The following PRSS2 variants were observed in gnomAD, a reference collection of about 807,000 sequenced individuals.
PRSS2 encodes the protein trypsin-2.
In PRSS2, 19 loss-of-function variants were observed where a neutral mutation model predicts 19.2. The observed-to-expected ratio is 0.99, with a 90% CI of 0.69 to 1.45. PRSS2 has a LOEUF of 1.45. Ranked by LOEUF, PRSS2 falls within the 40% of genes most tolerant of loss-of-function variation. The pLI is 0.00. For synonymous variants in PRSS2, 107 were observed against 117.5 expected (o/e 0.91, Z 0.58); for missense variants, 288 against 294.4 (o/e 0.98, Z 0.16).
chr7:142,774,473 G>T lies in PRSS2; in HGVS notation c.709G>T (p.Asp237Tyr). ...CTACACCAAGGTCTACAACTATGTG[G>T]ACTGGATTAAGGACACCATAGCTGC... ...GVYTKVYNYVDWIKDTIAANS is the reference protein window; with the variant it reads ...GVYTKVYNYVYWIKDTIAANS The change falls in exon 5 of 5, where the codon GAC becomes TAC. Residue 237 changes from aspartate (D) to tyrosine (Y), a missense_variant. Physicochemically the swap from Asp to Tyr is radical, Grantham distance 160. Transcript: ENST00000539842. 3 of 1,610,882 alleles carry T rather than the reference G, an allele frequency of 1.9e-6. No individual in the cohort carries two copies. Among genetic ancestry groups the T allele is most frequent in the Non-Finnish European group, 2.5e-6 (3 of 1,177,016 alleles).
Position 142,773,468 on chromosome 7 carries a change from G to A in PRSS2, c.403G>A (p.Ala135Thr), listed in dbSNP as rs1416648603. The A allele has an allele frequency of 4.4e-6, 7 of 1,599,438 alleles. No individual in the cohort carries two copies. Among genetic ancestry groups the A allele is most frequent in the Admixed American group, 1.7e-5 (1 of 59,992 alleles). The change falls in exon 3 of 5, where the codon GCT becomes ACT. Residue 135 changes from alanine to threonine, a missense_variant. Coordinates refer to ENST00000539842, the MANE Select transcript of PRSS2 (RefSeq NM_002770.4). ...CTCTCTGCCCACTGCCCCTCCAGCTGCTGGCACCGAGTCCCTCATCTCCGG... is the reference window on the plus strand; with the variant it reads ...CTCTCTGCCCACTGCCCCTCCAGCTACTGGCACCGAGTCCCTCATCTCCGG... The part of the protein sequence containing the change: ...AISLPTAPPA[A>T]GTESLISGWG...
chr7:142,774,158 C>T, intron 4 of PRSS2, 103 bp downstream of exon 4: 8 of 1,368,610 alleles, frequency 5.8e-6, no homozygotes, highest in South Asian at 1.2e-5. Context: ...AGGCTCCCTG[C>T]AGTGCCCCAT....
chr7:142,773,917 A>C lies in PRSS2; in HGVS notation c.455-2A>C, dbSNP rs1800205294. ...TCTTTGTTCTCTTCCTGATCCTCAC[A>C]GCCGACTACCCAGACGAGCTGCAGT... On this transcript the variant is annotated splice_acceptor_variant, in intron 3 of 4. Coordinates refer to ENST00000539842, the MANE Select transcript of PRSS2 (RefSeq NM_002770.4). LOFTEE classifies it high-confidence loss of function. The C allele has an allele frequency of 2.5e-6, 4 of 1,612,440 alleles. No individual in the cohort carries two copies. In the South Asian group the frequency reaches 4.4e-5, roughly 18 times the overall value.
chr7:142,771,426 T>G (rs1799877460), intron 1 of PRSS2, among the ~76,000 whole-genome samples: 1 of 152,256 alleles, frequency 6.6e-6, no homozygotes, highest in Admixed American at 6.5e-5. Context: ...CTCACTTCAA[T>G]TGTCTGGTGT....
rs904325166 is a variant in PRSS2 at position 142,773,307 on chromosome 7, T to G, written c.242T>G (p.Leu81Arg). 2.2e-5 allele frequency: 36 copies of G among 1,614,222 alleles called. No individual in the cohort carries two copies. In the African/African-American group the frequency reaches 4.0e-4, roughly 18 times the overall value. ...CTGGGAGAGCACAACATCGAAGTCCTGGAGGGGAATGAACAGTTCATCAAT... is the reference window on the plus strand; with the variant it reads ...CTGGGAGAGCACAACATCGAAGTCCGGGAGGGGAATGAACAGTTCATCAAT... The part of the protein sequence containing the change: ...VRLGEHNIEV[L>R]EGNEQFINAA... Residue 81 changes from leucine (L) to arginine (R), a missense_variant, in exon 3 of 5, where the codon CTG (leucine) becomes CGG (arginine). Transcript: ENST00000539842.
At chr7:142,772,248 C>T (rs756253473) in intron 2 of PRSS2, 40 bp downstream of exon 2, 2 of 1,608,854 alleles carry the variant, frequency 1.2e-6, no homozygotes, top group East Asian at 2.2e-5. Flanking sequence ...CCCAGCCAGG[C>T]TGCCTGGGAG....
rs1006136109 is a variant in PRSS2 at position 142,772,401 on chromosome 7, C to T, written c.200+193C>T. 1.6e-5 allele frequency: 14 copies of T among 895,418 alleles called. No homozygotes were observed. The Admixed American group carries it at 2.6e-4, about 17-fold the overall frequency. 55.5% of individuals were successfully genotyped at this position (895,418 alleles called of 1,614,324 possible). A position where few individuals can be genotyped will look rare whatever the true frequency, so the allele number is the denominator to read the frequency against. On this transcript the variant is annotated intron_variant, in intron 2 of 4. Transcript: ENST00000539842. ...GGAAGCCCTCACACCCAGGCAAATCCATGAAACAGCAAGGGTTGTGGTCAT... is the reference window on the plus strand; with the variant it reads ...GGAAGCCCTCACACCCAGGCAAATCTATGAAACAGCAAGGGTTGTGGTCAT...
chr7:142,771,794 T>C (rs966214325), intron 1 of PRSS2, among the ~76,000 whole-genome samples: 163 of 25,084 alleles, frequency 6.5e-3, no homozygotes, highest in African/African-American at 0.044. Flanking sequence ...ATTGTGAGGA[T>C]ATTCCTTGCG....
chr7:142,772,858 G>C (rs941703655), intron 2 of PRSS2, among the ~76,000 whole-genome samples: 5 of 152,224 alleles, frequency 3.3e-5, no homozygotes, highest in Non-Finnish European at 5.9e-5. Context: ...ACACAGAAGG[G>C]TGGTGCTCAC....
At chr7:142,773,801 T>A in intron 3 of PRSS2, 118 bp from the exon 4 acceptor site, 1 of 677,444 alleles carries the variant, frequency 1.5e-6, no homozygotes, top group South Asian at 1.7e-5. Context: ...TGCCAGGACT[T>A]ATGTTTTGGA....
At chr7:142,772,545 C>T (rs1324571127) in intron 2 of PRSS2, 2 of 682,056 alleles carry the variant, frequency 2.9e-6, no homozygotes, top group African/African-American at 3.6e-5. Context: ...AATACTGATC[C>T]CTGTGTTCTA....
chr7:142,773,870 T>C (rs1800197858), intron 3 of PRSS2, 49 bp from the exon 4 acceptor site: 1 of 1,573,102 alleles, frequency 6.4e-7, no homozygotes, highest in Admixed American at 1.7e-5. Flanking sequence ...TGTCTCTTTC[T>C]CTGGCCTAAC....
At chr7:142,772,389 C>T in intron 2 of PRSS2, 181 bp downstream of exon 2, 1 of 965,476 alleles carries the variant, frequency 1.0e-6, no homozygotes, top group Non-Finnish European at 1.6e-6. Flanking sequence ...AGCCCTCACA[C>T]CCAGGCAAAT....
At position 142,773,453 on chromosome 7, in the gene PRSS2, A is replaced by G; in HGVS notation, c.388A>G (p.Thr130Ala). Residue 130 changes from threonine to alanine, a missense_variant, in exon 3 of 5, where the codon ACT becomes GCT. By Grantham distance (58) the Thr-to-Ala change is moderately conservative (BLOSUM62 0). Coordinates refer to ENST00000539842, the MANE Select transcript of PRSS2 (RefSeq NM_002770.4). ...CCGCGTGTCCGCCATCTCTCTGCCC[A>G]CTGCCCCTCCAGCTGCTGGCACCGA... The part of the protein sequence containing the change: ...NSRVSAISLP[T>A]APPAAGTESL... 1.9e-6 allele frequency: 3 copies of G among 1,601,158 alleles called. No individual in the cohort carries two copies. Among genetic ancestry groups the G allele is most frequent in the South Asian group, 2.2e-5 (2 of 90,508 alleles).
Position 142,774,407 on chromosome 7 carries a change from T to A in PRSS2, c.643T>A (p.Ser215Thr). Reference protein sequence around the residue: ...VSNGELQGIVSWGYGCAQKNR... With the variant: ...VSNGELQGIVTWGYGCAQKNR... ...CAATGGAGAGCTCCAAGGAATTGTC[T>A]CCTGGGGCTATGGCTGTGCCCAGAA... Residue 215 changes from serine (S) to threonine (T), a missense_variant, in exon 5 of 5, where the codon TCC becomes ACC. Ser to Thr is a moderately conservative substitution (Grantham distance 58). Transcript: ENST00000539842. The A allele has an allele frequency of 1.9e-6, 3 of 1,574,838 alleles. No individual in the cohort carries two copies. The highest frequency in any genetic ancestry group is 2.6e-6 in the Non-Finnish European group (3 of 1,144,700).
chr7:142,772,494 G>A (rs1800020054), intron 2 of PRSS2: 1 of 692,120 alleles, frequency 1.4e-6, no homozygotes, highest in South Asian at 1.5e-5. Flanking sequence ...ACTTTTGCTG[G>A]TTAGCTACAC....
rs769100908 is a variant in PRSS2 at position 142,771,980 on chromosome 7, G to T, written c.41-69G>T. ...AAGGTTTTCTAATTAGCAGGAAGCA[G>T]CCACAGGCTGGGAGCGCCACCCCTA... On this transcript the variant is annotated intron_variant, in intron 1 of 4. Transcript: ENST00000539842. 3.3e-6 allele frequency: 5 copies of T among 1,493,852 alleles called. No individual in the cohort carries two copies. The African/African-American group carries it at 5.7e-5, about 17-fold the overall frequency. The allele number at this position is 1,493,852 out of a possible 1,614,324, so 92.5% of individuals were successfully genotyped here.
intron 2 of PRSS2, 130 bp downstream of exon 2, chr7:142,772,338 G>T: frequency 7.9e-7 from 1 of 1,261,820 alleles, no homozygotes. Flanking sequence ...CTTGTTGGCA[G>T]CAGCTGACTC....
intron 4 of PRSS2, 88 bp from the exon 5 acceptor site, chr7:142,774,268 G>A (rs1324196754): frequency 4.7e-6 from 5 of 1,059,578 alleles, no homozygotes; most frequent in Non-Finnish European, 7.4e-6. Context: ...GAGCTGGCTG[G>A]AAAGGGCTCT....
Sources: allele counts gnomAD v4.1 joint callset (sites outside exome capture counted in the v4.1 genomes callset), GRCh38; gene constraint gnomAD v4.1.1; transcripts MANE v1.5; gene names NCBI Gene and HGNC (gene_info 2026-07-23, HGNC 2026-07-21).